AEN: variants seen among roughly 807,000 people sequenced by gnomAD.
AEN encodes apoptosis-enhancing nuclease.
A neutral mutation model predicts 17.7 loss-of-function variants in AEN; 21 were observed. The observed-to-expected ratio is 1.19, with a 90% CI of 0.84 to 1.71. The LOEUF (loss-of-function observed/expected upper bound fraction) is 1.71. AEN is among the 40% of genes most tolerant of loss of function. The probability of loss-of-function intolerance (pLI) is 0.00; values close to 1 mark genes in which losing one functional copy is unlikely to be tolerated. For synonymous variants in AEN, 190 were observed against 173.0 expected, an observed-to-expected ratio of 1.10 and a Z score of -0.77; for missense variants, 462 against 435.9, an observed-to-expected ratio of 1.06 and a Z score of -0.53.
In AEN at chr15:88,626,577, G is replaced by A. The variant is rs778321323; in HGVS notation, c.368G>A (p.Arg123Gln). 12 of 1,614,164 alleles carry A rather than the reference G, an allele frequency of 7.4e-6. No individual in the cohort carries two copies. Among genetic ancestry groups the A allele is most frequent in the Non-Finnish European group, 9.3e-6 (11 of 1,180,044 alleles). The change falls in exon 2 of 4, where the codon CGA becomes CAA. Residue 123 changes from arginine (R) to glutamine (Q), a missense_variant. Coordinates refer to ENST00000332810, the MANE Select transcript of AEN (RefSeq NM_022767.4). ...IDCEMVGTGP[R>Q]GRVSELARCS... is the part of the protein sequence containing the mutation. ...TGTGAGATGGTGGGCACGGGACCCC[G>A]AGGGCGGGTAAGCGAGCTGGCCCGC...
At chr15:88,613,073 A>C in the AEN span, among the ~76,000 whole-genome samples, 1 of 152,214 alleles carries the variant, frequency 6.6e-6, no homozygotes, top group South Asian at 2.1e-4. Flanking sequence ...AGCAGAGGAG[A>C]CTAAAGCATA....
the AEN span, chr15:88,612,044 C>T: frequency 9.7e-5 from 37 of 381,758 alleles, no homozygotes; most frequent in Non-Finnish European, 1.8e-4. Context: ...ACCCTAAACA[C>T]CCATCGGCAG....
At chr15:88,622,407 G>A (rs539837798) in intron 1 of AEN, among the ~76,000 whole-genome samples, 3 of 152,304 alleles carry the variant, frequency 2.0e-5, no homozygotes, top group African/African-American at 7.2e-5. Context: ...GAGGAGCCGC[G>A]GACAAAACCC....
chr15:88,623,452 T>C (rs2057812743), intron 1 of AEN, among the ~76,000 whole-genome samples: 1 of 152,178 alleles, frequency 6.6e-6, no homozygotes, highest in Non-Finnish European at 1.5e-5. Context: ...CAGGTTTTCA[T>C]CTTCTCCAGA....
chr15:88,615,138 A>G, the AEN span, among the ~76,000 whole-genome samples: 4 of 152,130 alleles, frequency 2.6e-5, no homozygotes, highest in African/African-American at 9.7e-5. Context: ...TGCTGGGATT[A>G]CAGGCGTGAG....
At chr15:88,617,545 G>T (rs1006524048), upstream of AEN, among the ~76,000 whole-genome samples, 1 of 152,140 alleles carries the variant, frequency 6.6e-6, no homozygotes, top group Admixed American at 6.6e-5. Flanking sequence ...GAGCCACAGC[G>T]CCCGGCCTTC....
upstream of AEN, among the ~76,000 whole-genome samples, chr15:88,617,328 G>C (rs1028358753): frequency 6.6e-6 from 1 of 152,070 alleles, no homozygotes; most frequent in African/African-American, 2.4e-5. Flanking sequence ...ATCTTGGCTC[G>C]CTGCAACCTC....
the AEN span, among the ~76,000 whole-genome samples, chr15:88,613,111 T>G: frequency 6.6e-6 from 1 of 152,110 alleles, no homozygotes; most frequent in Non-Finnish European, 1.5e-5. Context: ...GGGTTGGGGA[T>G]CGTACTCATT....
chr15:88,613,522 C>T, the AEN span, among the ~76,000 whole-genome samples: 1,657 of 150,920 alleles, frequency 0.011, 30 homozygotes, highest in African/African-American at 0.038. Flanking sequence ...GGGCAGCCCT[C>T]AGCCTCTGGG....
intron 3 of AEN, 108 bp from the exon 4 acceptor site, chr15:88,629,950 C>T (rs80056110): frequency 0.012 from 11,833 of 974,450 alleles, 119 homozygotes; most frequent in Non-Finnish European, 0.016. Context: ...TCTGAGCATA[C>T]GTATTCTTGG....
At chr15:88,610,307 ATTTTTT>A in the AEN span, among the ~76,000 whole-genome samples, 68 of 136,234 alleles carry the variant, frequency 5.0e-4, no homozygotes, top group African/African-American at 1.8e-3. Context: ...GCACGGGGCT[ATTTTTT>A]TTTTTTTTTT....
At chr15:88,617,532 C>A (rs370982861), upstream of AEN, among the ~76,000 whole-genome samples, 1 of 152,286 alleles carries the variant, frequency 6.6e-6, no homozygotes, top group African/African-American at 2.4e-5. Context: ...GAATTACAGG[C>A]GTGAGCCACA....
the AEN span, among the ~76,000 whole-genome samples, chr15:88,612,384 T>C: frequency 1.3e-5 from 2 of 151,958 alleles, no homozygotes; most frequent in East Asian, 1.9e-4. Context: ...TCGGAGCTTG[T>C]CTGGTGCCTG....
chr15:88,629,859 A>G (rs1024026673), intron 3 of AEN, among the ~76,000 whole-genome samples, 199 bp from the exon 4 acceptor site: 4 of 152,152 alleles, frequency 2.6e-5, no homozygotes, highest in Admixed American at 2.0e-4. Context: ...CATGCCTTAT[A>G]TTTGAGGAAA....
the AEN span, among the ~76,000 whole-genome samples, chr15:88,613,504 T>A: frequency 6.6e-6 from 1 of 150,998 alleles, no homozygotes; most frequent in Admixed American, 6.6e-5. Flanking sequence ...GGGAGTTGAG[T>A]CTCTCCTGGG....
upstream of AEN, among the ~76,000 whole-genome samples, chr15:88,620,912 C>T (rs141103106): frequency 3.0e-3 from 452 of 152,228 alleles, no homozygotes; most frequent in African/African-American, 0.011. Flanking sequence ...TCTTTAGTGC[C>T]TACTGTGTAT....
the AEN span, among the ~76,000 whole-genome samples, chr15:88,609,685 C>T: frequency 0.017 from 2,562 of 152,302 alleles, 69 homozygotes; most frequent in South Asian, 0.063. Flanking sequence ...TTTGAGACTA[C>T]AGCAGCCTCT....
chr15:88,617,211 C>T (rs571637044), upstream of AEN, among the ~76,000 whole-genome samples: 3 of 152,278 alleles, frequency 2.0e-5, no homozygotes, highest in Non-Finnish European at 2.9e-5. Context: ...CCACCTCAGC[C>T]TCCAAAGTAG....
At chr15:88,628,582 A>T (rs1052324481) in intron 2 of AEN, 1 of 151,650 alleles carries the variant, frequency 6.6e-6, no homozygotes, top group African/African-American at 2.4e-5. Context: ...GAAGACAGGG[A>T]TTATGGCCCT....
Sources: allele counts gnomAD v4.1 joint callset (sites outside exome capture counted in the v4.1 genomes callset), GRCh38; gene constraint gnomAD v4.1.1; transcripts MANE v1.5; gene names NCBI Gene and HGNC (gene_info 2026-07-23, HGNC 2026-07-21).